DOCK9: variants seen among roughly 807,000 people sequenced by gnomAD.
The protein encoded by DOCK9 is dedicator of cytokinesis 9, also known as dedicator of cytokinesis protein 9.
Under a neutral mutation model 263.3 loss-of-function variants are expected in DOCK9, and 89 were observed. That is an observed-to-expected ratio of 0.34 (90% confidence interval 0.28 to 0.40). The LOEUF is 0.40. Ranked by LOEUF, DOCK9 falls within the 10% of genes least tolerant of loss-of-function variation. The probability of loss-of-function intolerance (pLI) is 1.00; values close to 1 mark genes in which losing one functional copy is unlikely to be tolerated. For missense variants in DOCK9, 2,140 were observed against 2,603.4 expected (o/e 0.82, Z 3.87); for synonymous variants, 976 against 973.1 (o/e 1.00, Z -0.06).
intron 48 of DOCK9, among the ~76,000 whole-genome samples, chr13:98,805,503 T>C (rs934600674): frequency 5.3e-5 from 8 of 152,184 alleles, no homozygotes; most frequent in African/African-American, 9.6e-5. Context: ...TACAGTCAGC[T>C]TCTCCTAAAA....
At chr13:98,982,688 A>G (rs59238728), upstream of DOCK9, among the ~76,000 whole-genome samples, 1 of 152,334 alleles carries the variant, frequency 6.6e-6, no homozygotes, top group African/African-American at 2.4e-5. Context: ...GTGTATTTGT[A>G]AAAATATGCA....
rs140436285 is a variant in DOCK9 at position 99,072,122 on chromosome 13, T to G, written c.129+14101A>C. 1.3e-3 allele frequency among the ~76,000 whole-genome samples: 197 copies of G among 152,344 alleles called. 3 individuals are homozygous for G. The East Asian group carries it at 0.033, about 26-fold the overall frequency. On this transcript the variant is annotated intron_variant, in intron 1 of 32. Coordinates refer to the DOCK9 transcript ENST00000427887. Reference sequence around the variant, plus strand: ...AAATCCTGTGAAGTCATGCACAACATCTGGACACAGTTTTCTCCAGCAGAA... The same window carrying G: ...AAATCCTGTGAAGTCATGCACAACAGCTGGACACAGTTTTCTCCAGCAGAA...
chr13:98,968,274 AT>A (rs1374327372), intron 1 of DOCK9, among the ~76,000 whole-genome samples: 3 of 152,210 alleles, frequency 2.0e-5, no homozygotes, highest in African/African-American at 4.8e-5. Flanking sequence ...TTAAAATTAT[AT>A]TACTAAAATT....
intron 18 of DOCK9, among the ~76,000 whole-genome samples, chr13:98,887,143 A>ATATATATATATATATATATATTT: frequency 1.0e-5 from 1 of 95,260 alleles, no homozygotes. Flanking sequence ...ATATATATAT[A>ATATATATATATATATATATATTT]TTTTTTTTTT....
chr13:98,897,680 A>C, intron 14 of DOCK9, 70 bp from the exon 15 acceptor site: 3 of 1,569,822 alleles, frequency 1.9e-6, no homozygotes, highest in Non-Finnish European at 2.6e-6. Context: ...ATTTAAGTCT[A>C]GTTTCTATGA....
At chr13:98,854,709 C>G (rs2093660547) in intron 34 of DOCK9, 1 of 152,146 alleles carries the variant, frequency 6.6e-6, no homozygotes, top group African/African-American at 2.4e-5. Context: ...GCGTATGACA[C>G]AAGCAGAGTG....
intron 2 of DOCK9, among the ~76,000 whole-genome samples, chr13:98,938,574 T>G (rs752109856): frequency 5.3e-5 from 8 of 152,234 alleles, no homozygotes; most frequent in Non-Finnish European, 1.0e-4. Flanking sequence ...TGCATTACCT[T>G]AATTATTTTT....
intron 1 of DOCK9, among the ~76,000 whole-genome samples, chr13:98,958,919 C>T (rs2058355048): frequency 6.6e-6 from 1 of 152,152 alleles, no homozygotes; most frequent in African/African-American, 2.4e-5. Context: ...CCAAATAATA[C>T]TTTAATTAGA....
At chr13:98,804,915 C>T (rs1271344779) in intron 49 of DOCK9, 84 bp downstream of exon 49, 40 of 1,437,454 alleles carry the variant, frequency 2.8e-5, no homozygotes, top group Non-Finnish European at 3.6e-5. Context: ...AAGACCCTTC[C>T]AGTCCTGAAG....
intron 33 of DOCK9, chr13:98,858,269 C>T (rs2093756742): frequency 6.6e-6 from 1 of 152,166 alleles, no homozygotes. Flanking sequence ...CTTGGTACCA[C>T]TGAGTAGGTG....
At chr13:99,058,392 C>T (rs1024273975) in intron 1 of DOCK9, among the ~76,000 whole-genome samples, 7 of 152,106 alleles carry the variant, frequency 4.6e-5, no homozygotes, top group African/African-American at 1.7e-4. Context: ...GAACTCCTGA[C>T]CTCAAGTGAT....
At chr13:98,948,195 A>G (rs546038774) in intron 2 of DOCK9, among the ~76,000 whole-genome samples, 12 of 152,322 alleles carry the variant, frequency 7.9e-5, no homozygotes, top group African/African-American at 2.6e-4. Flanking sequence ...ACCAGAGGAA[A>G]AATAAAACTC....
intron 52 of DOCK9, among the ~76,000 whole-genome samples, chr13:98,796,851 G>T (rs1475069443): frequency 2.6e-5 from 4 of 152,052 alleles, no homozygotes; most frequent in African/African-American, 9.7e-5. Flanking sequence ...TGGGGAGAGA[G>T]AAAGCTTAGG....
intron 33 of DOCK9, chr13:98,859,906 G>C (rs960686630): frequency 6.5e-6 from 1 of 153,008 alleles, no homozygotes; most frequent in Non-Finnish European, 1.5e-5. Flanking sequence ...TTTTCTCTCA[G>C]AGGTGGCCGC....
chr13:98,859,377 T>C (rs1488584161), intron 33 of DOCK9: 1 of 152,150 alleles, frequency 6.6e-6, no homozygotes, highest in African/African-American at 2.4e-5. Flanking sequence ...AAAAGACACA[T>C]AAATATCAAC....
At position 98,947,506 on chromosome 13, in the gene DOCK9, A is replaced by AT. The variant is rs35004750; in HGVS notation, c.243+7928dup. 9.5e-3 allele frequency among the ~76,000 whole-genome samples: 1,172 copies of AT among 123,776 alleles called. 36 individuals are homozygous for AT. Among genetic ancestry groups the AT allele is most frequent in the African/African-American group, 0.031 (983 of 31,888 alleles). 81.2% of individuals were successfully genotyped at this position (123,776 alleles called of 152,430 possible). A position where few individuals can be genotyped will look rare whatever the true frequency, so the allele number is the denominator to read the frequency against. On this transcript the variant is annotated intron_variant, in intron 2 of 52. Transcript: ENST00000682017. ...CAAGGTTTAGATGTGTCTATTCAGAATTTTTTTTTTTTTTTTTTTGAGACG... is the reference window on the plus strand; with the variant it reads ...CAAGGTTTAGATGTGTCTATTCAGAATTTTTTTTTTTTTTTTTTTTGAGACG...
rs552819830 is a variant in DOCK9, at chr13:98,848,579, C to T, written c.4061+13G>A. 24 of 1,609,632 alleles carry T rather than the reference C, an allele frequency of 1.5e-5. 1 individual carries two copies. Among genetic ancestry groups the T allele is most frequent in the South Asian group, 6.7e-5 (6 of 89,462 alleles). On this transcript the variant is annotated intron_variant, in intron 37 of 52. Transcript: ENST00000682017. ...GAAAACAACACGTTTCGAATGAAAA[C>T]GCCCCACAGTACCTGGCTATGTATC...
At chr13:98,944,140 G>C (rs1193435046) in intron 2 of DOCK9, among the ~76,000 whole-genome samples, 1 of 152,126 alleles carries the variant, frequency 6.6e-6, no homozygotes, top group Non-Finnish European at 1.5e-5. Flanking sequence ...AAGAAAAGAA[G>C]AATGTGACCT....
At chr13:99,019,053 C>T (rs1265012205) in intron 1 of DOCK9, among the ~76,000 whole-genome samples, 2 of 152,132 alleles carry the variant, frequency 1.3e-5, no homozygotes, top group Non-Finnish European at 2.9e-5. Context: ...CATTCAATCA[C>T]AGGCAGGAAC....
Sources: gnomAD v4.1 joint callset for allele counts (sites outside exome capture counted in the v4.1 genomes callset) on GRCh38, gnomAD v4.1.1 for gene constraint, MANE v1.5 for transcripts, NCBI Gene and HGNC (gene_info 2026-07-23, HGNC 2026-07-21) for gene names.